BCL11A: variants seen among roughly 807,000 people sequenced by gnomAD.
BCL11A encodes BCL11 transcription factor A, also known as B cell CLL/lymphoma 11A.
A neutral mutation model predicts 55.9 loss-of-function variants in BCL11A; 2 were observed. The observed-to-expected ratio is 0.04, with a 90% CI of 0.01 to 0.11. BCL11A has a LOEUF of 0.11. Ranked by LOEUF, BCL11A falls within the 10% of genes least tolerant of loss-of-function variation. The pLI is 1.00. For synonymous variants in BCL11A, 465 were observed against 473.4 expected (o/e 0.98, Z 0.23); for missense variants, 817 against 1,137.1 (o/e 0.72, Z 4.05).
At chr2:60,469,997 G>A (rs184385223) in intron 2 of BCL11A, among the ~76,000 whole-genome samples, 1 of 152,280 alleles carries the variant, frequency 6.6e-6, no homozygotes, top group African/African-American at 2.4e-5. Context: ...TGTACTCTAG[G>A]ATAGCAGGTC....
At chr2:60,516,013 G>T (rs952341777) in intron 2 of BCL11A, among the ~76,000 whole-genome samples, 3 of 152,170 alleles carry the variant, frequency 2.0e-5, no homozygotes, top group Non-Finnish European at 4.4e-5. Flanking sequence ...AAGGGCGGTG[G>T]CCCCTCTTCT....
chr2:60,518,525 T>C (rs1668834791), intron 2 of BCL11A, among the ~76,000 whole-genome samples: 1 of 152,108 alleles, frequency 6.6e-6, no homozygotes, highest in South Asian at 2.1e-4. Flanking sequence ...AAATGGCACA[T>C]GGGAGGGCAT....
At chr2:60,499,384 G>C (rs1324091518) in intron 2 of BCL11A, among the ~76,000 whole-genome samples, 2 of 152,160 alleles carry the variant, frequency 1.3e-5, no homozygotes, top group African/African-American at 2.4e-5. Flanking sequence ...TCCTGGGAAA[G>C]GTTGCACATT....
chr2:60,513,572 C>A (rs1668587907), intron 2 of BCL11A, among the ~76,000 whole-genome samples: 1 of 152,238 alleles, frequency 6.6e-6, no homozygotes, highest in African/African-American at 2.4e-5. Context: ...TCTTCCCAGT[C>A]CTGCCCTCTC....
At chr2:60,542,502 T>C (rs1207526014) in intron 2 of BCL11A, 1 of 152,238 alleles carries the variant, frequency 6.6e-6, no homozygotes, top group East Asian at 1.9e-4. Context: ...GGGTGGATAT[T>C]TGACACACAT....
At chr2:60,521,067 G>GCACGCACACACACACACA (rs1263469378) in intron 2 of BCL11A, among the ~76,000 whole-genome samples, 1 of 117,652 alleles carries the variant, frequency 8.5e-6, no homozygotes, top group African/African-American at 2.8e-5. Flanking sequence ...CTAGTGGTCA[G>GCACGCACACACACACACA]CACACACACA....
chr2:60,467,867 C>G (rs1420300166), intron 3 of BCL11A, among the ~76,000 whole-genome samples: 8 of 32,438 alleles, frequency 2.5e-4, no homozygotes, highest in East Asian at 6.2e-4. Flanking sequence ...GGTGATGGTA[C>G]TGGTGGTGAT....
At chr2:60,477,600 TAAATAAA>T (rs1288744982) in intron 2 of BCL11A, among the ~76,000 whole-genome samples, 8 of 150,668 alleles carry the variant, frequency 5.3e-5, no homozygotes, top group Middle Eastern at 3.5e-3. Flanking sequence ...TAGAGTAAAA[TAAATAAA>T]GAAAGAAAGA....
Position 60,458,220 on chromosome 2 carries a change from G to C in BCL11A, c.*2184C>G. On this transcript the variant is annotated 3_prime_UTR_variant, in exon 4 of 4. Coordinates refer to ENST00000642384, the MANE Select transcript of BCL11A (RefSeq NM_022893.4). ...TTTTAGCATAGGAATCAACATGAGT[G>C]TGCATTTTCCTATATTTAAGTACTA... The C allele has an allele frequency of 1.5e-5, 15 of 1,022,606 alleles. No individual in the cohort carries two copies. Among genetic ancestry groups the C allele is most frequent in the Non-Finnish European group, 1.5e-5 (13 of 851,886 alleles). The allele number at this position is 1,022,606 out of a possible 1,614,324, so 63.3% of individuals were successfully genotyped here. A position where few individuals can be genotyped will look rare whatever the true frequency, so the allele number is the denominator to read the frequency against.
chr2:60,550,354 CGG>C (rs1230170374), intron 1 of BCL11A, among the ~76,000 whole-genome samples: 2 of 152,272 alleles, frequency 1.3e-5, no homozygotes, highest in East Asian at 3.9e-4. Context: ...CAAAGACATA[CGG>C]GGTGATGGGG....
Position 60,460,198 on chromosome 2 carries a change from A to C in BCL11A, c.*206T>G. 7.6e-7 allele frequency: 1 copy of C among 1,307,864 alleles called. No individual in the cohort carries two copies. Among genetic ancestry groups the C allele is most frequent in the South Asian group, 2.5e-5 (1 of 39,534 alleles). 81.0% of individuals were successfully genotyped at this position (1,307,864 alleles called of 1,614,324 possible). On this transcript the variant is annotated 3_prime_UTR_variant, in exon 4 of 4. Transcript: ENST00000642384. ...AAAAAAAAAAGGAAAAAGAAAAAAG[A>C]AAAAGAAAAAGAAAAAAAACAGGTG...
At chr2:60,515,733 T>C (rs1668700021) in intron 2 of BCL11A, among the ~76,000 whole-genome samples, 1 of 152,158 alleles carries the variant, frequency 6.6e-6, no homozygotes, top group African/African-American at 2.4e-5. Context: ...CGGACAGAGA[T>C]GTGAGTGGAC....
intron 2 of BCL11A, among the ~76,000 whole-genome samples, chr2:60,475,047 G>A (rs1257942961): frequency 1.3e-5 from 2 of 152,172 alleles, no homozygotes; most frequent in Non-Finnish European, 2.9e-5. Flanking sequence ...AGAGCCAAGA[G>A]AAAGGATATC....
At chr2:60,523,848 G>T (rs975477785) in intron 2 of BCL11A, among the ~76,000 whole-genome samples, 25 of 152,080 alleles carry the variant, frequency 1.6e-4, no homozygotes, top group African/African-American at 5.1e-4. Context: ...TAGCCCAAAC[G>T]TTCAAGAATT....
chr2:60,450,610 T>TG (rs1675690748), downstream of BCL11A: 2 of 152,212 alleles, frequency 1.3e-5, no homozygotes, highest in Non-Finnish European at 2.9e-5. Flanking sequence ...GAAACCCTAA[T>TG]GGTCTTATGT....
chr2:60,472,708 A>G (rs1383967571), intron 2 of BCL11A, among the ~76,000 whole-genome samples: 2 of 152,234 alleles, frequency 1.3e-5, no homozygotes, highest in African/African-American at 4.8e-5. Flanking sequence ...CATTAAATCA[A>G]GTTTTTTGGT....
At chr2:60,471,819 G>T (rs45494002) in intron 2 of BCL11A, among the ~76,000 whole-genome samples, 2,013 of 152,266 alleles carry the variant, frequency 0.013, 28 homozygotes, top group South Asian at 0.026. Flanking sequence ...CATCACCTGG[G>T]AGTTTGTTCA....
chr2:60,468,311 T>C (rs2103980545), intron 3 of BCL11A, among the ~76,000 whole-genome samples: 1 of 152,284 alleles, frequency 6.6e-6, no homozygotes, highest in African/African-American at 2.4e-5. Flanking sequence ...TTGGAATAAC[T>C]CTGGAATAAC....
At chr2:60,541,838 A>T in intron 2 of BCL11A, 1 of 633,922 alleles carries the variant, frequency 1.6e-6, no homozygotes, top group Admixed American at 3.1e-5. Context: ...AAAGAAAAAT[A>T]AGTAGTCATA....
Sources: allele counts gnomAD v4.1 joint callset (sites outside exome capture counted in the v4.1 genomes callset), GRCh38; gene constraint gnomAD v4.1.1; transcripts MANE v1.5; gene names NCBI Gene and HGNC (gene_info 2026-07-23, HGNC 2026-07-21).